The following LRMDA variants were observed in gnomAD, a reference collection of about 807,000 sequenced individuals.
The protein encoded by LRMDA is leucine-rich melanocyte differentiation-associated protein.
LRMDA carries 18 observed loss-of-function variants against 29.8 expected under a neutral mutation model. The ratio of observed to expected loss-of-function variants is 0.60; its 90% CI spans 0.42 to 0.90. The LOEUF (loss-of-function observed/expected upper bound fraction) is 0.90. LRMDA is among the 40% of genes least tolerant of loss of function. The pLI, the probability that LRMDA is intolerant of heterozygous loss-of-function variation, is 0.00. For missense variants in LRMDA, 273 were observed against 273.9 expected (o/e 1.00, Z 0.02); for synonymous variants, 125 against 109.4 (o/e 1.14, Z -0.89).
chr10:76,237,713 T>C (rs1296241581), intron 5 of LRMDA, among the ~76,000 whole-genome samples: 6 of 150,232 alleles, frequency 4.0e-5, no homozygotes, highest in South Asian at 4.2e-4. Flanking sequence ...AGCGCAGCCA[T>C]AGGGACTCCA....
intron 6 of LRMDA, among the ~76,000 whole-genome samples, chr10:76,458,091 C>G (rs1460050713): frequency 6.8e-6 from 1 of 146,300 alleles, no homozygotes; most frequent in Non-Finnish European, 1.5e-5. Flanking sequence ...TCACTTGGAT[C>G]GAAGCTTGTT....
chr10:75,942,710 G>T (rs568316022), intron 2 of LRMDA, among the ~76,000 whole-genome samples: 1 of 152,304 alleles, frequency 6.6e-6, no homozygotes, highest in East Asian at 1.9e-4. Flanking sequence ...ATGTGCTGAT[G>T]AGGGATGCTG....
intron 5 of LRMDA, among the ~76,000 whole-genome samples, chr10:76,186,729 A>C (rs1046061549): frequency 3.3e-5 from 5 of 152,202 alleles, no homozygotes; most frequent in Admixed American, 6.5e-5. Flanking sequence ...AGCCCTGAAG[A>C]CAGGGCAGTA....
intron 6 of LRMDA, among the ~76,000 whole-genome samples, chr10:76,352,212 G>A (rs1336834192): frequency 2.0e-5 from 3 of 152,186 alleles, no homozygotes; most frequent in African/African-American, 7.2e-5. Context: ...ACCATGGAGA[G>A]TACTGAACCC....
At chr10:76,311,388 G>A (rs1198534885) in intron 5 of LRMDA, among the ~76,000 whole-genome samples, 1 of 152,056 alleles carries the variant, frequency 6.6e-6, no homozygotes, top group Non-Finnish European at 1.5e-5. Context: ...AGGCCATTAA[G>A]GCTGCACTTG....
chr10:76,465,796 T>C (rs889495803), intron 6 of LRMDA, among the ~76,000 whole-genome samples: 1 of 152,012 alleles, frequency 6.6e-6, no homozygotes, highest in Non-Finnish European at 1.5e-5. Flanking sequence ...CCGAGAACCA[T>C]GAGGGGAGGA....
At chr10:75,707,586 C>T (rs1292412106) in intron 2 of LRMDA, among the ~76,000 whole-genome samples, 2 of 152,202 alleles carry the variant, frequency 1.3e-5, no homozygotes, top group Non-Finnish European at 2.9e-5. Context: ...CAGCCTTCAT[C>T]TTGCCTGGGC....
chr10:76,402,046 T>A (rs957465968), intron 6 of LRMDA, among the ~76,000 whole-genome samples: 2 of 152,100 alleles, frequency 1.3e-5, no homozygotes, highest in African/African-American at 4.8e-5. Context: ...TGAGGTGATA[T>A]GCTGGTGAGT....
chr10:75,567,874 C>T (rs961712024), intron 2 of LRMDA, among the ~76,000 whole-genome samples: 15 of 152,170 alleles, frequency 9.9e-5, no homozygotes, highest in Middle Eastern at 3.4e-3. Flanking sequence ...TTTGTTAAAG[C>T]AAAGTACCAG....
chr10:75,954,995 A>G (rs1170448824), intron 2 of LRMDA, among the ~76,000 whole-genome samples: 1 of 152,240 alleles, frequency 6.6e-6, no homozygotes, highest in Non-Finnish European at 1.5e-5. Context: ...AGTATAAAAT[A>G]AAAATGCCAA....
intron 5 of LRMDA, among the ~76,000 whole-genome samples, chr10:76,142,131 CT>C (rs1850213534): frequency 6.6e-6 from 1 of 151,948 alleles, no homozygotes; most frequent in South Asian, 2.1e-4. Context: ...TGGAAGACAT[CT>C]TTTTCTGCTT....
intron 5 of LRMDA, among the ~76,000 whole-genome samples, chr10:76,148,710 C>G (rs960499357): frequency 2.6e-5 from 4 of 152,184 alleles, no homozygotes; most frequent in Non-Finnish European, 5.9e-5. Context: ...TGCACCTACT[C>G]TCTGGCACTC....
intron 6 of LRMDA, among the ~76,000 whole-genome samples, chr10:76,345,152 C>T (rs1424536935): frequency 1.4e-4 from 21 of 146,076 alleles, no homozygotes; most frequent in African/African-American, 4.3e-4. Context: ...CTGCAAGCTC[C>T]GCCTCCCGGG....
At chr10:76,219,546 A>G (rs1175237561) in intron 5 of LRMDA, among the ~76,000 whole-genome samples, 1 of 152,266 alleles carries the variant, frequency 6.6e-6, no homozygotes, top group East Asian at 1.9e-4. Context: ...TAAAGGGATC[A>G]ATTCAACAAG....
chr10:75,433,646 A>G (rs1262942345), intron 1 of LRMDA, among the ~76,000 whole-genome samples: 1 of 152,188 alleles, frequency 6.6e-6, no homozygotes, highest in Non-Finnish European at 1.5e-5. Flanking sequence ...GTAGCATGGA[A>G]CAGTACTTGT....
chr10:75,500,711 G>A lies in LRMDA; in HGVS notation c.131+62217G>A, dbSNP rs184352001. Among the ~76,000 whole-genome samples, 4 of 152,196 alleles carry A rather than the reference G, an allele frequency of 2.6e-5. No individual in the cohort carries two copies. In the East Asian group the frequency reaches 5.8e-4, roughly 22 times the overall value. On this transcript the variant is annotated intron_variant, in intron 2 of 6. Coordinates refer to ENST00000611255, the MANE Select transcript of LRMDA (RefSeq NM_001305581.2). ...AAGGGGAAGCAGGCACGTTTTACAT[G>A]GTGGCAGGAGGGAGAGAGTGTACGA...
intron 6 of LRMDA, among the ~76,000 whole-genome samples, chr10:76,407,091 A>T (rs956642921): frequency 1.3e-5 from 2 of 152,108 alleles, no homozygotes; most frequent in African/African-American, 4.8e-5. Flanking sequence ...AAGGATGGGA[A>T]TGTAGGGCTG....
chr10:75,709,360 C>T (rs753021849), intron 2 of LRMDA, among the ~76,000 whole-genome samples: 5 of 151,148 alleles, frequency 3.3e-5, no homozygotes, highest in Non-Finnish European at 7.4e-5. Flanking sequence ...GTGTGTGTGT[C>T]TGTGTGTGCG....
intron 2 of LRMDA, among the ~76,000 whole-genome samples, chr10:75,611,170 C>T (rs1345656270): frequency 6.6e-6 from 1 of 152,038 alleles, no homozygotes; most frequent in Non-Finnish European, 1.5e-5. Flanking sequence ...AGAAGGTAGG[C>T]ATTAGGAGTG....
Sources: allele counts gnomAD v4.1 joint callset (sites outside exome capture counted in the v4.1 genomes callset), GRCh38; gene constraint gnomAD v4.1.1; transcripts MANE v1.5; gene names NCBI Gene and HGNC (gene_info 2026-07-23, HGNC 2026-07-21).